LRP12: variants seen among roughly 807,000 people sequenced by gnomAD.
The protein encoded by LRP12 is LDL receptor related protein 12.
Under a neutral mutation model 66.0 loss-of-function variants are expected in LRP12, and 14 were observed. The observed-to-expected ratio is 0.21, with a 90% confidence interval of 0.14 to 0.33. The LOEUF (loss-of-function observed/expected upper bound fraction) is 0.33, where lower values mean the gene tolerates loss of function less well. LRP12 is among the 10% of genes least tolerant of loss of function. The pLI is 1.00. For synonymous variants in LRP12, 357 were observed against 359.1 expected (o/e 0.99, Z 0.07); for missense variants, 889 against 1,053.4 (o/e 0.84, Z 2.16).
intron 1 of LRP12, among the ~76,000 whole-genome samples, chr8:104,533,809 C>T (rs528146358): frequency 2.5e-4 from 38 of 151,944 alleles, no homozygotes; most frequent in Non-Finnish European, 4.9e-4. Flanking sequence ...TACTATCACA[C>T]CCAGTTTAGA....
At chr8:104,496,022 C>T (rs1810719977) in intron 5 of LRP12, 4 of 151,806 alleles carry the variant, frequency 2.6e-5, no homozygotes, top group Non-Finnish European at 2.9e-5. Flanking sequence ...CCATCTGTTA[C>T]GTAAAAAGTT....
At chr8:104,546,944 A>G (rs1305401269) in intron 1 of LRP12, among the ~76,000 whole-genome samples, 1 of 144,346 alleles carries the variant, frequency 6.9e-6, no homozygotes, top group East Asian at 2.0e-4. Flanking sequence ...TATATTTTGT[A>G]TATAATATAT....
At chr8:104,541,348 C>G (rs566353047) in intron 1 of LRP12, among the ~76,000 whole-genome samples, 127 of 152,158 alleles carry the variant, frequency 8.3e-4, no homozygotes, top group Admixed American at 2.1e-3. Flanking sequence ...AAAGAGCTCA[C>G]AACATAAACT....
rs371401172 is a variant in LRP12, at chr8:104,581,346, C to CGATATGATGTACAGATATCACTA, written c.79+7450_79+7472dup. 4.5e-3 allele frequency among the ~76,000 whole-genome samples: 680 copies of CGATATGATGTACAGATATCACTA among 151,920 alleles called. 6 individuals carry two copies. Among genetic ancestry groups the CGATATGATGTACAGATATCACTA allele is most frequent in the African/African-American group, 0.016 (647 of 41,372 alleles). On this transcript the variant is annotated intron_variant, in intron 1 of 6. Coordinates refer to ENST00000276654, the MANE Select transcript of LRP12 (RefSeq NM_013437.5). ...AAAAATAACTACTGGGTACTATATA[C>CGATATGATGTACAGATATCACTA]GATATGATGTACAGATATCACTAGA...
intron 1 of LRP12, among the ~76,000 whole-genome samples, chr8:104,588,068 T>C (rs981367560): frequency 1.3e-5 from 2 of 152,202 alleles, no homozygotes; most frequent in African/African-American, 4.8e-5. Context: ...CGAAAGGAGT[T>C]ATCTCTAACC....
rs748283974 is a variant in LRP12, at chr8:104,496,936, T to C, written c.1580+36A>G. ...CTTGTTTCAAACACTTGGGCCTGCT[T>C]TTATTGAGGCCCAATAGTTCTGTCT... On this transcript the variant is annotated intron_variant, in intron 5 of 6. Transcript: ENST00000276654. 6.8e-6 allele frequency: 10 copies of C among 1,470,600 alleles called. No individual in the cohort carries two copies. The Admixed American group carries it at 1.3e-4, about 19-fold the overall frequency. The allele number at this position is 1,470,600 out of a possible 1,614,324, so 91.1% of individuals were successfully genotyped here.
At chr8:104,564,546 G>C (rs1811964922) in intron 1 of LRP12, among the ~76,000 whole-genome samples, 1 of 151,970 alleles carries the variant, frequency 6.6e-6, no homozygotes, top group Non-Finnish European at 1.5e-5. Flanking sequence ...GTAGGGGACA[G>C]GGCAGGGAGG....
chr8:104,545,360 AAGC>A (rs1312728713), intron 1 of LRP12, among the ~76,000 whole-genome samples: 3 of 152,228 alleles, frequency 2.0e-5, no homozygotes, highest in Non-Finnish European at 4.4e-5. Flanking sequence ...TTAGTTGATA[AAGC>A]AGCAGCAGGG....
rs143902181 is a variant in LRP12 at position 104,519,632 on chromosome 8, T to C, written c.137-10558A>G. ...ATGCTCAACTTGTAGCAATATTTACTAGTCTAAGATGGGAAAGGTTTTAAC... is the reference window on the plus strand; with the variant it reads ...ATGCTCAACTTGTAGCAATATTTACCAGTCTAAGATGGGAAAGGTTTTAAC... On this transcript the variant is annotated intron_variant, in intron 2 of 6. Coordinates refer to ENST00000276654, the MANE Select transcript of LRP12 (RefSeq NM_013437.5). Among the ~76,000 whole-genome samples, 18 of 152,090 alleles carry C rather than the reference T, an allele frequency of 1.2e-4. No homozygotes were observed. In the East Asian group the frequency reaches 3.5e-3, roughly 29 times the overall value.
chr8:104,500,535 T>G (rs1426119187), intron 3 of LRP12, among the ~76,000 whole-genome samples: 2 of 152,040 alleles, frequency 1.3e-5, no homozygotes, highest in Non-Finnish European at 2.9e-5. Context: ...AAACCCCGTC[T>G]CTACTAAGAA....
intron 1 of LRP12, among the ~76,000 whole-genome samples, chr8:104,541,924 A>G (rs1313421355): frequency 6.6e-6 from 1 of 152,164 alleles, no homozygotes; most frequent in African/African-American, 2.4e-5. Context: ...ACATTTAGGT[A>G]GTTTCTACTT....
chr8:104,539,679 T>C (rs1345166949), intron 1 of LRP12, among the ~76,000 whole-genome samples: 1 of 152,068 alleles, frequency 6.6e-6, no homozygotes, highest in Non-Finnish European at 1.5e-5. Flanking sequence ...TTATGCAAAA[T>C]AATATTTCCA....
chr8:104,582,734 T>C (rs77732940), intron 1 of LRP12, among the ~76,000 whole-genome samples: 310 of 152,258 alleles, frequency 2.0e-3, no homozygotes, highest in African/African-American at 7.0e-3. Flanking sequence ...CTATTCATAA[T>C]ATATGTGCTT....
intron 1 of LRP12, among the ~76,000 whole-genome samples, chr8:104,557,893 A>C (rs536970897): frequency 4.6e-5 from 7 of 152,302 alleles, no homozygotes; most frequent in African/African-American, 1.4e-4. Flanking sequence ...ACAGTCACCA[A>C]AACAGCATGG....
chr8:104,569,707 C>T (rs1486328832), intron 1 of LRP12, among the ~76,000 whole-genome samples: 2 of 152,046 alleles, frequency 1.3e-5, no homozygotes, highest in Non-Finnish European at 2.9e-5. Context: ...TTACAGCTAA[C>T]ATACTTAATG....
intron 1 of LRP12, among the ~76,000 whole-genome samples, chr8:104,535,189 T>C (rs943514920): frequency 1.3e-5 from 2 of 152,024 alleles, no homozygotes; most frequent in African/African-American, 2.4e-5. Context: ...AACAATTTTT[T>C]GGTCTCACTA....
At chr8:104,558,605 T>C (rs1277268300) in intron 1 of LRP12, among the ~76,000 whole-genome samples, 1 of 151,952 alleles carries the variant, frequency 6.6e-6, no homozygotes, top group East Asian at 1.9e-4. Context: ...GACAAATAGA[T>C]GGGACTTAAT....
intron 1 of LRP12, among the ~76,000 whole-genome samples, chr8:104,537,107 A>G (rs1811402255): frequency 6.6e-6 from 1 of 151,970 alleles, no homozygotes; most frequent in Admixed American, 6.6e-5. Context: ...AGGCAATGTA[A>G]GACTGTGATC....
chr8:104,560,546 G>A (rs1175707144), intron 1 of LRP12, among the ~76,000 whole-genome samples: 1 of 152,122 alleles, frequency 6.6e-6, no homozygotes, highest in Non-Finnish European at 1.5e-5. Context: ...AAGTATATGA[G>A]CCTTGACATC....
Sources: gnomAD v4.1 joint callset for allele counts (sites outside exome capture counted in the v4.1 genomes callset) on GRCh38, gnomAD v4.1.1 for gene constraint, MANE v1.5 for transcripts, NCBI Gene and HGNC (gene_info 2026-07-23, HGNC 2026-07-21) for gene names.